TLK1: variants seen among roughly 807,000 people sequenced by gnomAD.
TLK1 encodes the protein tousled like kinase 1.
TLK1 carries 24 observed loss-of-function variants against 105.3 expected under a neutral mutation model. The observed-to-expected ratio is 0.23, with a 90% CI of 0.17 to 0.32. TLK1 has a LOEUF of 0.32. TLK1 is among the 10% of genes least tolerant of loss of function. The pLI is 1.00. For synonymous variants in TLK1, 321 were observed against 310.4 expected (o/e 1.03, Z -0.36); for missense variants, 558 against 910.5 (o/e 0.61, Z 4.98).
chr2:171,204,110 A>G (rs1693455787), intron 1 of TLK1, among the ~76,000 whole-genome samples: 1 of 152,224 alleles, frequency 6.6e-6, no homozygotes, highest in Admixed American at 6.5e-5. Flanking sequence ...TAAACATTTA[A>G]GTAAGCATTT....
chr2:171,051,372 T>A (rs1449353260), intron 8 of TLK1, among the ~76,000 whole-genome samples: 1 of 152,088 alleles, frequency 6.6e-6, no homozygotes, highest in Non-Finnish European at 1.5e-5. Flanking sequence ...CCAGCTTCCC[T>A]TAGAGCGAAG....
intron 2 of TLK1, among the ~76,000 whole-genome samples, chr2:171,103,126 C>T (rs569763313): frequency 6.6e-6 from 1 of 152,048 alleles, no homozygotes; most frequent in Non-Finnish European, 1.5e-5. Context: ...GTTAGCCTAA[C>T]ACTAGATCAA....
intron 3 of TLK1, 149 bp downstream of exon 3, chr2:171,082,632 G>T: frequency 3.1e-6 from 2 of 644,986 alleles, no homozygotes; most frequent in Non-Finnish European, 5.5e-6. Flanking sequence ...TGAATGTTGT[G>T]CTTCATAAGG....
rs1128330 is a variant in TLK1 at position 171,050,070 on chromosome 2, A to G, written c.837T>C (p.Ile279=). The G allele has an allele frequency of 6.2e-7, 1 of 1,603,808 alleles. No individual in the cohort carries two copies. The highest frequency in any genetic ancestry group is 1.1e-5 in the South Asian group (1 of 90,074). Residue 279 remains isoleucine (I), a synonymous_variant, in exon 9 of 21, where the codon ATT becomes ATC. Coordinates refer to ENST00000431350, the MANE Select transcript of TLK1 (RefSeq NM_012290.5). ...KCISMSKKLL[I]EKSTQEKLSS... is the part of the protein sequence containing the mutation. Reference sequence around the variant, plus strand: ...TACTCAACTTTTAGCCTACCTTTTCAATAAGAAGTTTCTTGCTCATTGATA... The same window carrying G: ...TACTCAACTTTTAGCCTACCTTTTCGATAAGAAGTTTCTTGCTCATTGATA...
chr2:171,080,769 A>T (rs530830268), intron 3 of TLK1, among the ~76,000 whole-genome samples: 24 of 151,214 alleles, frequency 1.6e-4, no homozygotes, highest in African/African-American at 5.8e-4. Flanking sequence ...GTGCAGTGGC[A>T]CAATCATGGC....
At chr2:171,032,730 T>C (rs923949138) in intron 11 of TLK1, among the ~76,000 whole-genome samples, 6 of 152,130 alleles carry the variant, frequency 3.9e-5, no homozygotes, top group African/African-American at 1.4e-4. Context: ...CTACGGCCAG[T>C]TGATTTTTGA....
intron 1 of TLK1, among the ~76,000 whole-genome samples, chr2:171,179,015 G>A (rs898701019): frequency 1.3e-5 from 2 of 152,142 alleles, no homozygotes; most frequent in African/African-American, 4.8e-5. Flanking sequence ...TCTAGTTAGT[G>A]CTTTTTATAG....
chr2:171,068,048 C>A (rs536854060), intron 3 of TLK1, among the ~76,000 whole-genome samples: 2 of 151,984 alleles, frequency 1.3e-5, no homozygotes, highest in Admixed American at 6.6e-5. Flanking sequence ...TGGGATCAGC[C>A]GGGCATGGTG....
At chr2:171,050,383 A>C (rs1687179392) in intron 8 of TLK1, among the ~76,000 whole-genome samples, 1 of 152,028 alleles carries the variant, frequency 6.6e-6, no homozygotes, top group Non-Finnish European at 1.5e-5. Context: ...ACATACAGGG[A>C]AATTTGTATC....
At chr2:171,044,372 A>T (rs1686838541) in intron 11 of TLK1, among the ~76,000 whole-genome samples, 1 of 152,240 alleles carries the variant, frequency 6.6e-6, no homozygotes, top group South Asian at 2.1e-4. Context: ...GAACACAGAA[A>T]AGGGGCAAAG....
chr2:171,220,082 C>G (rs938340804), intron 1 of TLK1, among the ~76,000 whole-genome samples: 6 of 152,150 alleles, frequency 3.9e-5, no homozygotes, highest in African/African-American at 1.4e-4. Context: ...ACTCTGATTG[C>G]ATTTAGGGCA....
At chr2:171,050,253 A>T in intron 8 of TLK1, 79 bp from the exon 9 acceptor site, 1 of 978,112 alleles carries the variant, frequency 1.0e-6, no homozygotes, top group Non-Finnish European at 1.5e-6. Flanking sequence ...TGTTCTAAAT[A>T]AATTATATAC....
chr2:171,160,234 G>GGTCCGCGGCGCGGGA lies in TLK1; in HGVS notation c.139+41_139+55dup, dbSNP rs1692421789. 7.5e-7 allele frequency: 1 copy of GGTCCGCGGCGCGGGA among 1,325,856 alleles called. No homozygotes were observed. Among genetic ancestry groups the GGTCCGCGGCGCGGGA allele is most frequent in the South Asian group, 2.2e-5 (1 of 45,506 alleles). The allele number at this position is 1,325,856 out of a possible 1,614,324, so 82.1% of individuals were successfully genotyped here. ...GGGGGGGGCGGGGGGGGGGCGCGGGGGTCCGCGGCGCGGGAGAGGAGGCCC... is the reference window on the plus strand; with the variant it reads ...GGGGGGGGCGGGGGGGGGGCGCGGGGGTCCGCGGCGCGGGAGTCCGCGGCGCGGGAGAGGAGGCCC... On this transcript the variant is annotated intron_variant, in intron 1 of 20. Transcript: ENST00000431350. This position sits in a 1 kb window ranked among gnomAD's most constrained non-coding sequence, Gnocchi z 4.4.
intron 1 of TLK1, among the ~76,000 whole-genome samples, chr2:171,127,647 T>A (rs907181282): frequency 6.6e-6 from 1 of 152,158 alleles, no homozygotes; most frequent in African/African-American, 2.4e-5. Flanking sequence ...AATATTAACA[T>A]TTAGAACATT....
At chr2:171,043,252 T>C (rs1482015981) in intron 11 of TLK1, among the ~76,000 whole-genome samples, 1 of 152,146 alleles carries the variant, frequency 6.6e-6, no homozygotes, top group Non-Finnish European at 1.5e-5. Flanking sequence ...CCATCTTTCA[T>C]ATATTAAAGA....
chr2:171,191,948 A>G (rs564296076), intron 1 of TLK1, among the ~76,000 whole-genome samples: 1 of 152,158 alleles, frequency 6.6e-6, no homozygotes, highest in Non-Finnish European at 1.5e-5. Context: ...GATTTAATTC[A>G]GCATTTCCCA....
chr2:171,079,467 C>G (rs1365856938), intron 3 of TLK1, among the ~76,000 whole-genome samples: 1 of 152,210 alleles, frequency 6.6e-6, no homozygotes, highest in Non-Finnish European at 1.5e-5. Flanking sequence ...GTATCCTATT[C>G]ATCTTTATAT....
At chr2:171,159,072 C>G (rs529497997) in intron 1 of TLK1, among the ~76,000 whole-genome samples, 40 of 152,328 alleles carry the variant, frequency 2.6e-4, no homozygotes, top group Admixed American at 9.8e-4. Context: ...ACTTGATTAA[C>G]ACTTGTCAAG....
chr2:171,057,856 C>T (rs1166928385), intron 5 of TLK1, among the ~76,000 whole-genome samples: 2 of 152,044 alleles, frequency 1.3e-5, no homozygotes, highest in Admixed American at 1.3e-4. Context: ...GTGTAGGCTA[C>T]TTTACATTTC....
Sources: gnomAD v4.1 joint callset for allele counts (sites outside exome capture counted in the v4.1 genomes callset) on GRCh38, gnomAD v4.1.1 for gene constraint, Gnocchi (gnomAD v3.1) non-coding constraint, MANE v1.5 for transcripts, NCBI Gene and HGNC (gene_info 2026-07-23, HGNC 2026-07-21) for gene names.